The following GABBR2 variants were observed in gnomAD, a reference collection of about 807,000 sequenced individuals.
The protein encoded by GABBR2 is G-protein coupled receptor 51.
A neutral mutation model predicts 105.6 loss-of-function variants in GABBR2; 23 were observed. That is an observed-to-expected ratio of 0.22 (90% confidence interval 0.16 to 0.31). The LOEUF is 0.31. GABBR2 is among the 10% of genes least tolerant of loss of function. The pLI is 1.00. For synonymous variants in GABBR2, 478 were observed against 499.7 expected (o/e 0.96, Z 0.58); for missense variants, 734 against 1,245.5 (o/e 0.59, Z 6.18).
chr9:98,350,757 T>A (rs1234132040), intron 13 of GABBR2, among the ~76,000 whole-genome samples: 1 of 152,228 alleles, frequency 6.6e-6, no homozygotes, highest in African/African-American at 2.4e-5. Flanking sequence ...TAGGTCCATT[T>A]GGTCTACAAT....
chr9:98,666,250 G>A (rs908698341), intron 1 of GABBR2, among the ~76,000 whole-genome samples: 8 of 152,162 alleles, frequency 5.3e-5, no homozygotes, highest in Non-Finnish European at 2.9e-5. Context: ...CGAACCCAAA[G>A]GAATAATCTA....
At chr9:98,453,461 C>T (rs1826271137) in intron 7 of GABBR2, among the ~76,000 whole-genome samples, 1 of 152,182 alleles carries the variant, frequency 6.6e-6, no homozygotes, top group Non-Finnish European at 1.5e-5. Context: ...AAGATGGTCA[C>T]CAAAATTAGT....
intron 14 of GABBR2, among the ~76,000 whole-genome samples, chr9:98,308,400 A>C (rs970426868): frequency 1.6e-4 from 24 of 152,222 alleles, no homozygotes; most frequent in Non-Finnish European, 3.2e-4. Flanking sequence ...GATTAGGAAG[A>C]ACTTTCTAGA....
intron 1 of GABBR2, among the ~76,000 whole-genome samples, chr9:98,582,538 T>C (rs1168163937): frequency 6.6e-6 from 1 of 152,164 alleles, no homozygotes; most frequent in Admixed American, 6.5e-5. Context: ...AGACAATAAA[T>C]AGGTGTGGTT....
intron 6 of GABBR2, among the ~76,000 whole-genome samples, chr9:98,465,611 T>C (rs1410822705): frequency 1.3e-5 from 2 of 152,218 alleles, no homozygotes; most frequent in Non-Finnish European, 2.9e-5. Context: ...GCTTTGTAGC[T>C]ACAAACATTC....
chr9:98,322,653 T>C (rs1350997671), intron 13 of GABBR2, among the ~76,000 whole-genome samples: 3 of 146,672 alleles, frequency 2.0e-5, no homozygotes, highest in African/African-American at 5.0e-5. Context: ...GTCTCAGCCA[T>C]GAGTCAGTCC....
intron 1 of GABBR2, among the ~76,000 whole-genome samples, chr9:98,594,458 C>T (rs1259657113): frequency 6.6e-6 from 1 of 152,088 alleles, no homozygotes; most frequent in Non-Finnish European, 1.5e-5. Flanking sequence ...ACGGACAGAC[C>T]AGCAAACAGA....
At chr9:98,359,674 G>A (rs911336576) in intron 13 of GABBR2, among the ~76,000 whole-genome samples, 3 of 152,120 alleles carry the variant, frequency 2.0e-5, no homozygotes, top group Admixed American at 6.5e-5. Context: ...ACGGTTATTC[G>A]TCTGCAGGTT....
At chr9:98,430,133 T>TA (rs1415531569) in intron 7 of GABBR2, among the ~76,000 whole-genome samples, 1 of 151,398 alleles carries the variant, frequency 6.6e-6, no homozygotes, top group Admixed American at 6.6e-5. Context: ...AAAATAAAAA[T>TA]AAAAAAATTA....
Position 98,708,716 on chromosome 9 carries a change from C to A in GABBR2, c.22G>T (p.Gly8Trp), listed in dbSNP as rs1830938255. ...GGCGGCGGCGGCGGCCCGGGCTGCC[C>A]GGAGCTCCGCGGGGAAGCCATGCCG... is the stretch of plus-strand genomic sequence containing the variant. MASPRSSGQPGPPPPPPP... is the reference protein window; with the variant it reads MASPRSSWQPGPPPPPPP... Residue 8 changes from glycine to tryptophan, a missense_variant, in exon 1 of 19, where the codon GGG becomes TGG. By Grantham distance (184) the Gly-to-Trp change is radical (BLOSUM62 -2). Coordinates refer to ENST00000259455, the MANE Select transcript of GABBR2 (RefSeq NM_005458.8). 5.0e-6 allele frequency: 5 copies of A among 992,840 alleles called. No homozygotes were observed. The highest frequency in any genetic ancestry group is 4.8e-6 in the Non-Finnish European group (4 of 837,156). The allele number at this position is 992,840 out of a possible 1,614,324, so 61.5% of individuals were successfully genotyped here.
In GABBR2 at chr9:98,657,335, A is replaced by G. The variant is rs979210349; in HGVS notation, c.321+51082T>C. Among the ~76,000 whole-genome samples, 8 of 152,212 alleles carry G rather than the reference A, an allele frequency of 5.3e-5. No individual in the cohort carries two copies. The South Asian group carries it at 1.7e-3, about 32-fold the overall frequency. ...GAAAAACAAAACATAAACCAAGAAG[A>G]CTGTACGTTTTCAAGAAAAATGGAG... is the stretch of plus-strand genomic sequence containing the variant. On this transcript the variant is annotated intron_variant, in intron 1 of 18. Coordinates refer to ENST00000259455, the MANE Select transcript of GABBR2 (RefSeq NM_005458.8).
chr9:98,488,638 T>TA (rs1291696315), intron 4 of GABBR2, among the ~76,000 whole-genome samples: 1 of 152,040 alleles, frequency 6.6e-6, no homozygotes, highest in African/African-American at 2.4e-5. Context: ...TAGCACTTTT[T>TA]TTTTTAACCG....
chr9:98,470,140 T>G (rs1243058078), intron 6 of GABBR2, among the ~76,000 whole-genome samples: 1 of 151,684 alleles, frequency 6.6e-6, no homozygotes, highest in Non-Finnish European at 1.5e-5. Context: ...TGGGGAGGGG[T>G]TTGATAAATA....
In GABBR2 at chr9:98,371,248, C is replaced by T. The variant is rs542998303; in HGVS notation, c.1770+216G>A. Reference sequence around the variant, plus strand: ...CCCTTGAGTGTTTCGTACCCCAGCACCCCCCACATGTCCCCAGCCAGCCCT... The same window carrying T: ...CCCTTGAGTGTTTCGTACCCCAGCATCCCCCACATGTCCCCAGCCAGCCCT... On this transcript the variant is annotated intron_variant, in intron 12 of 18. Coordinates refer to ENST00000259455, the MANE Select transcript of GABBR2 (RefSeq NM_005458.8). Among the ~76,000 whole-genome samples the T allele has an allele frequency of 1.3e-3, 202 of 152,232 alleles. 1 individual carries two copies. Among genetic ancestry groups the T allele is most frequent in the South Asian group, 2.1e-4 (1 of 4,812 alleles).
At chr9:98,501,540 C>T (rs1395518702) in intron 3 of GABBR2, among the ~76,000 whole-genome samples, 1 of 152,218 alleles carries the variant, frequency 6.6e-6, no homozygotes. Context: ...TCTCAGACCA[C>T]ACCTTGAGCA....
intron 1 of GABBR2, among the ~76,000 whole-genome samples, chr9:98,619,266 C>A (rs188559184): frequency 6.6e-6 from 1 of 151,958 alleles, no homozygotes; most frequent in Non-Finnish European, 1.5e-5. Context: ...TTTAACCCCC[C>A]ACCCCTGCCC....
intron 4 of GABBR2, among the ~76,000 whole-genome samples, chr9:98,487,998 G>A (rs1827095973): frequency 6.6e-6 from 1 of 152,144 alleles, no homozygotes; most frequent in Admixed American, 6.5e-5. Context: ...ACATGGCCGA[G>A]GCAGAGACAG....
intron 1 of GABBR2, among the ~76,000 whole-genome samples, chr9:98,596,897 C>A (rs766081967): frequency 1.3e-5 from 2 of 152,088 alleles, no homozygotes; most frequent in Non-Finnish European, 1.5e-5. Context: ...TGGGAATTGG[C>A]AGCTCCCCTC....
chr9:98,394,122 G>C, intron 9 of GABBR2, 53 bp downstream of exon 9: 1 of 1,300,938 alleles, frequency 7.7e-7, no homozygotes, highest in South Asian at 1.2e-5. Flanking sequence ...ACAATGTCCA[G>C]GCTTGGGAGC....
Sources: gnomAD v4.1 joint callset for allele counts (sites outside exome capture counted in the v4.1 genomes callset) on GRCh38, gnomAD v4.1.1 for gene constraint, MANE v1.5 for transcripts, NCBI Gene and HGNC (gene_info 2026-07-23, HGNC 2026-07-21) for gene names.